The following ZNF423 variants were observed in gnomAD, a reference collection of about 807,000 sequenced individuals.
ZNF423 encodes zinc finger protein 423, also known as Ebf-associated zinc finger protein.
ZNF423 carries 12 observed loss-of-function variants against 95.8 expected under a neutral mutation model. The ratio of observed to expected loss-of-function variants is 0.13; its 90% CI spans 0.08 to 0.20. The LOEUF (loss-of-function observed/expected upper bound fraction) is 0.20, where lower values mean the gene tolerates loss of function less well. Among genes scored for constraint, ZNF423 ranks in the 10% least tolerant of loss-of-function variants. ZNF423 has a pLI of 1.00. For synonymous variants in ZNF423, 749 were observed against 711.9 expected (o/e 1.05, Z -0.83); for missense variants, 1,316 against 1,737.1 (o/e 0.76, Z 4.31).
At chr16:49,831,596 A>G (rs111671041) in intron 1 of ZNF423, among the ~76,000 whole-genome samples, 157 of 152,340 alleles carry the variant, frequency 1.0e-3, no homozygotes, top group African/African-American at 3.5e-3. Context: ...AAGGCAGTCC[A>G]TGATGAAGGC....
chr16:49,669,861 C>T (rs1371847072), intron 3 of ZNF423, among the ~76,000 whole-genome samples: 1 of 152,222 alleles, frequency 6.6e-6, no homozygotes, highest in East Asian at 1.9e-4. Context: ...AGTTTCCCCT[C>T]CTTGGCTCTG....
intron 5 of ZNF423, among the ~76,000 whole-genome samples, chr16:49,584,327 T>C (rs1970756164): frequency 6.6e-6 from 1 of 152,168 alleles, no homozygotes; most frequent in African/African-American, 2.4e-5. Context: ...GTGGAATGAA[T>C]TGGAGTGGCT....
intron 5 of ZNF423, among the ~76,000 whole-genome samples, chr16:49,607,831 C>T (rs773490843): frequency 6.6e-6 from 1 of 152,206 alleles, no homozygotes; most frequent in Non-Finnish European, 1.5e-5. Context: ...AAGGCCCCAC[C>T]TGTGGGAATG....
intron 3 of ZNF423, among the ~76,000 whole-genome samples, chr16:49,716,383 G>A (rs1310749686): frequency 6.6e-6 from 1 of 152,094 alleles, no homozygotes; most frequent in Non-Finnish European, 1.5e-5. Context: ...CGGGGACAGA[G>A]GTGCAGGTGT....
At chr16:49,535,179 C>A (rs754122) in intron 5 of ZNF423, among the ~76,000 whole-genome samples, 95,306 of 151,588 alleles carry the variant, frequency 0.63, 31,396 homozygotes, top group African/African-American at 0.85. Flanking sequence ...CCGCAGAGAT[C>A]GGGGCCCAGC....
At chr16:49,754,295 C>T (rs12924878) in intron 2 of ZNF423, among the ~76,000 whole-genome samples, 24,395 of 152,142 alleles carry the variant, frequency 0.16, 2,040 homozygotes, top group South Asian at 0.26. Context: ...TCCAAGAGGG[C>T]AGGAAACCTC....
chr16:49,574,495 G>A (rs1429152268), intron 5 of ZNF423, among the ~76,000 whole-genome samples: 1 of 152,222 alleles, frequency 6.6e-6, no homozygotes, highest in Non-Finnish European at 1.5e-5. Context: ...TGCTGATGCT[G>A]ATGCTGCTGG....
chr16:49,615,336 C>T (rs1971842596), intron 5 of ZNF423, among the ~76,000 whole-genome samples: 1 of 152,118 alleles, frequency 6.6e-6, no homozygotes, highest in Non-Finnish European at 1.5e-5. Flanking sequence ...AGACATACTT[C>T]GACTAAAAAT....
intron 3 of ZNF423, among the ~76,000 whole-genome samples, chr16:49,698,625 G>A (rs976197123): frequency 2.0e-5 from 3 of 152,102 alleles, no homozygotes; most frequent in African/African-American, 7.2e-5. Context: ...TTATCTGCTC[G>A]CACAGACCTC....
intron 4 of ZNF423, among the ~76,000 whole-genome samples, chr16:49,633,933 G>T (rs1432590331): frequency 1.3e-5 from 2 of 151,458 alleles, no homozygotes; most frequent in African/African-American, 4.9e-5. Flanking sequence ...TTGAGATGGA[G>T]TCTTCCTCTG....
intron 3 of ZNF423, among the ~76,000 whole-genome samples, chr16:49,642,137 C>G (rs1972994283): frequency 6.6e-6 from 1 of 152,202 alleles, no homozygotes; most frequent in South Asian, 2.1e-4. Context: ...CAGCACTGTG[C>G]TAAGTATGTC....
rs1453823645 is a variant in ZNF423, at chr16:49,523,632, C to G, written c.3841G>C (p.Glu1281Gln). The change falls in exon 7 of 8, where the codon GAG becomes CAG. Residue 1281 changes from glutamate (E) to glutamine (Q), a missense_variant. Glu to Gln is a conservative substitution (Grantham distance 29). Coordinates refer to ENST00000563137, the MANE Select transcript of ZNF423 (RefSeq NM_001379286.1). ...QCPQKFFFQTELQNHTMSQHA... is the reference protein window; with the variant it reads ...QCPQKFFFQTQLQNHTMSQHA... ...CGGATGTGGGCACCCACCTGCAGCTCGGTCTGGAAGAAGAACTTCTGAGGG... is the reference window on the plus strand; with the variant it reads ...CGGATGTGGGCACCCACCTGCAGCTGGGTCTGGAAGAAGAACTTCTGAGGG... 1.2e-6 allele frequency: 2 copies of G among 1,613,918 alleles called. No homozygotes were observed. Among genetic ancestry groups the G allele is most frequent in the Non-Finnish European group, 1.7e-6 (2 of 1,179,962 alleles).
chr16:49,660,917 T>C (rs1176254288), intron 3 of ZNF423, among the ~76,000 whole-genome samples: 1 of 152,068 alleles, frequency 6.6e-6, no homozygotes, highest in African/African-American at 2.4e-5. Context: ...TCAGATTCCA[T>C]GCTCTTAAAG....
chr16:49,754,117 G>C (rs937044027), intron 2 of ZNF423, among the ~76,000 whole-genome samples: 2 of 152,064 alleles, frequency 1.3e-5, no homozygotes, highest in African/African-American at 4.8e-5. Context: ...AGGTCAGGTG[G>C]GGTTTCATAA....
chr16:49,843,365 T>C (rs937312566), intron 1 of ZNF423, among the ~76,000 whole-genome samples: 1 of 152,196 alleles, frequency 6.6e-6, no homozygotes, highest in Admixed American at 6.5e-5. Context: ...CTAGGTGCTA[T>C]CTCCTAGACT....
rs779752488 is a variant in ZNF423, at chr16:49,730,860, T to A, written c.212A>T (p.Asp71Val). ...ERNEDDEDMEDESIYTCDHCQ... is the reference protein window; with the variant it reads ...ERNEDDEDMEVESIYTCDHCQ... ...GTGATCGCAGGTGTAAATTGATTCATCCTCCATGTCTTCATCATCCTCATT... is the reference window on the plus strand; with the variant it reads ...GTGATCGCAGGTGTAAATTGATTCAACCTCCATGTCTTCATCATCCTCATT... The change falls in exon 3 of 8, where the codon GAT becomes GTT. Residue 71 changes from aspartate (D) to valine (V), a missense_variant. By Grantham distance (152) the Asp-to-Val change is radical. Transcript: ENST00000563137. The A allele has an allele frequency of 6.2e-7, 1 of 1,614,178 alleles. No individual in the cohort carries two copies. The highest frequency in any genetic ancestry group is 1.1e-5 in the South Asian group (1 of 91,084).
intron 4 of ZNF423, among the ~76,000 whole-genome samples, 167 bp from the exon 5 acceptor site, chr16:49,626,421 C>G (rs1972273105): frequency 6.6e-6 from 1 of 152,070 alleles, no homozygotes; most frequent in Non-Finnish European, 1.5e-5. Context: ...CCAGCTCTAC[C>G]AGACTGAGGA....
chr16:49,544,452 C>T (rs1406139618), intron 5 of ZNF423, among the ~76,000 whole-genome samples: 1 of 152,128 alleles, frequency 6.6e-6, no homozygotes, highest in Non-Finnish European at 1.5e-5. Context: ...AAGCATTACA[C>T]CAGGCAGGAA....
chr16:49,800,279 G>A (rs538101169), intron 1 of ZNF423, among the ~76,000 whole-genome samples: 5 of 151,984 alleles, frequency 3.3e-5, no homozygotes, highest in Non-Finnish European at 5.9e-5. Flanking sequence ...TGTAGAGATG[G>A]GGTCTCACTA....
Sources: gnomAD v4.1 joint callset for allele counts (sites outside exome capture counted in the v4.1 genomes callset) on GRCh38, gnomAD v4.1.1 for gene constraint, MANE v1.5 for transcripts, NCBI Gene and HGNC (gene_info 2026-07-23, HGNC 2026-07-21) for gene names.